The following MAP3K2 variants were observed in gnomAD, a reference collection of about 807,000 sequenced individuals.
The protein encoded by MAP3K2 is MAP/ERK kinase kinase 2.
A neutral mutation model predicts 80.3 loss-of-function variants in MAP3K2; 24 were observed. That is an observed-to-expected ratio of 0.30 (90% CI 0.22 to 0.42). MAP3K2 has a LOEUF of 0.42. Among genes scored for constraint, MAP3K2 ranks in the 10% least tolerant of loss-of-function variants. The probability of loss-of-function intolerance (pLI) is 1.00; values close to 1 mark genes in which losing one functional copy is unlikely to be tolerated. For synonymous variants in MAP3K2, 244 were observed against 253.7 expected (o/e 0.96, Z 0.36); for missense variants, 608 against 750.1 (o/e 0.81, Z 2.21).
intron 1 of MAP3K2, among the ~76,000 whole-genome samples, chr2:127,359,104 T>C (rs1175308684): frequency 2.0e-5 from 3 of 152,134 alleles, no homozygotes; most frequent in African/African-American, 4.8e-5. Context: ...CTGTATGATA[T>C]TGTAATAGCA....
chr2:127,327,124 A>G (rs1204897525), intron 7 of MAP3K2, among the ~76,000 whole-genome samples: 4 of 152,178 alleles, frequency 2.6e-5, no homozygotes, highest in Admixed American at 6.5e-5. Context: ...CAGTTTATTT[A>G]AGTAATCACA....
intron 15 of MAP3K2, among the ~76,000 whole-genome samples, chr2:127,312,611 T>C (rs953904240): frequency 6.6e-6 from 1 of 152,002 alleles, no homozygotes. Context: ...CAGTGAGCCA[T>C]GACAGCACCA....
At chr2:127,337,916 G>A (rs1407026365) in intron 3 of MAP3K2, 138 bp from the exon 4 acceptor site, 2 of 534,054 alleles carry the variant, frequency 3.7e-6, no homozygotes, top group Non-Finnish European at 6.5e-6. Context: ...GAATTTTGAA[G>A]TTCTGTACCA....
chr2:127,348,055 T>TG (rs899092545), intron 1 of MAP3K2, among the ~76,000 whole-genome samples: 3 of 152,090 alleles, frequency 2.0e-5, no homozygotes, highest in African/African-American at 7.3e-5. Context: ...CATCAACTGA[T>TG]GAAGAGAGAA....
At chr2:127,366,547 T>A (rs1407950211) in intron 1 of MAP3K2, among the ~76,000 whole-genome samples, 1 of 152,194 alleles carries the variant, frequency 6.6e-6, no homozygotes, top group Admixed American at 6.5e-5. Flanking sequence ...AAATGTGTTT[T>A]TCCCCCCATT....
At chr2:127,353,383 C>T (rs1291775196) in intron 1 of MAP3K2, among the ~76,000 whole-genome samples, 23 of 151,874 alleles carry the variant, frequency 1.5e-4, no homozygotes, top group African/African-American at 5.3e-4. Context: ...CATCTCCGCC[C>T]GGCCGCCCCA....
rs1685553133 is a variant in MAP3K2 at position 127,299,654 on chromosome 2, A to G, written c.*7925T>C. 1 of 152,196 alleles carries G rather than the reference A, an allele frequency of 6.6e-6. No homozygotes were observed. The highest frequency in any genetic ancestry group is 6.5e-5 in the Admixed American group (1 of 15,284). 9.4% of individuals were successfully genotyped at this position (152,196 alleles called of 1,614,324 possible). On this transcript the variant is annotated 3_prime_UTR_variant, in exon 17 of 17. Transcript: ENST00000682094. ...TAATTTGCATTTCACGGAATTCTCAAAGAGAATTTAATGCTTTTTCTTGCA... is the reference window on the plus strand; with the variant it reads ...TAATTTGCATTTCACGGAATTCTCAGAGAGAATTTAATGCTTTTTCTTGCA...
chr2:127,308,010 A>T (rs1437577957), intron 16 of MAP3K2, among the ~76,000 whole-genome samples: 1 of 152,232 alleles, frequency 6.6e-6, no homozygotes, highest in Non-Finnish European at 1.5e-5. Flanking sequence ...CTATCACTTA[A>T]TTCAAACGGT....
In MAP3K2 at chr2:127,303,244, A is replaced by T. The variant is rs2104797113; in HGVS notation, c.*4335T>A. The T allele has an allele frequency of 6.6e-6, 1 of 152,196 alleles. No individual in the cohort carries two copies. The highest frequency in any genetic ancestry group is 6.5e-5 in the Admixed American group (1 of 15,270). The allele number at this position is 152,196 out of a possible 1,614,324, so 9.4% of individuals were successfully genotyped here. A position where few individuals can be genotyped will look rare whatever the true frequency, so the allele number is the denominator to read the frequency against. ...TTAGTATAAATAACACTGTTGACAGAGTTCAATTTCTATCAAATGTTTTGG... is the reference window on the plus strand; with the variant it reads ...TTAGTATAAATAACACTGTTGACAGTGTTCAATTTCTATCAAATGTTTTGG... On this transcript the variant is annotated 3_prime_UTR_variant, in exon 17 of 17. Transcript: ENST00000682094.
intron 3 of MAP3K2, among the ~76,000 whole-genome samples, chr2:127,338,173 C>CA (rs1264832615): frequency 1.1e-4 from 16 of 151,718 alleles, no homozygotes; most frequent in Non-Finnish European, 1.8e-4. Context: ...ATTTGAAGAA[C>CA]AAAACAAAAC....
At chr2:127,363,094 G>A (rs1474590029) in intron 1 of MAP3K2, among the ~76,000 whole-genome samples, 2 of 152,102 alleles carry the variant, frequency 1.3e-5, no homozygotes, top group African/African-American at 2.4e-5. Flanking sequence ...TATACGGAAG[G>A]ATGTGTGTAG....
At chr2:127,362,036 T>C (rs1257395364) in intron 1 of MAP3K2, among the ~76,000 whole-genome samples, 1 of 152,124 alleles carries the variant, frequency 6.6e-6, no homozygotes, top group Non-Finnish European at 1.5e-5. Context: ...AAGCGGCAAA[T>C]TGATTTTTCT....
At chr2:127,317,555 G>GT in intron 14 of MAP3K2, 74 bp downstream of exon 14, 2 of 1,280,254 alleles carry the variant, frequency 1.6e-6, no homozygotes, top group Non-Finnish European at 2.1e-6. Flanking sequence ...TATAATCTAC[G>GT]TTTTTGTTGT....
chr2:127,326,401 T>TA (rs201597197), intron 8 of MAP3K2, among the ~76,000 whole-genome samples: 11 of 150,000 alleles, frequency 7.3e-5, no homozygotes, highest in Non-Finnish European at 1.6e-4. Flanking sequence ...TTCAAATGTT[T>TA]AAAAAAAAAA....
intron 7 of MAP3K2, among the ~76,000 whole-genome samples, chr2:127,327,612 C>T (rs1686170753): frequency 6.6e-6 from 1 of 151,970 alleles, no homozygotes; most frequent in South Asian, 2.1e-4. Flanking sequence ...ATTTGACAAC[C>T]CTTTTTCACA....
chr2:127,341,572 G>A (rs1310351916), intron 2 of MAP3K2, among the ~76,000 whole-genome samples: 2 of 120,898 alleles, frequency 1.7e-5, no homozygotes, highest in Non-Finnish European at 3.2e-5. Flanking sequence ...TTGCTCTGTC[G>A]CCCAGGCTGG....
intron 12 of MAP3K2, among the ~76,000 whole-genome samples, chr2:127,318,739 G>A (rs1375290553): frequency 1.3e-5 from 2 of 152,152 alleles, no homozygotes; most frequent in African/African-American, 4.8e-5. Flanking sequence ...AGAAATCTGG[G>A]TAATCTACAA....
In MAP3K2 at chr2:127,384,668, C is replaced by CT. The variant is rs759223038; in HGVS notation, c.-66+2783dup. Among the ~76,000 whole-genome samples, 510 of 144,768 alleles carry CT rather than the reference C, an allele frequency of 3.5e-3. 4 individuals are homozygous for CT. The highest frequency in any genetic ancestry group is 9.6e-3 in the African/African-American group (379 of 39,592). The allele number at this position is 144,768 out of a possible 152,430, so 95.0% of individuals were successfully genotyped here. On this transcript the variant is annotated intron_variant, in intron 1 of 16. Coordinates refer to ENST00000682094, the MANE Select transcript of MAP3K2 (RefSeq NM_001371910.2). ...CTTATGGATGAGGAAACAAAGTGGC[C>CT]TTTTTTTTTTTTTAAGACAGGGTCT...
In MAP3K2 at chr2:127,326,817, C is replaced by T. The variant is rs200095663; in HGVS notation, c.467G>A (p.Gly156Asp). ...AERKKRLSII[G>D]PTSRDRSSPP... ...AGAACTTCTATCTCTACTAGTAGGA[C>T]CTCAAGGAAGAAAAATAATGTAATT... is the stretch of plus-strand genomic sequence containing the variant. The change falls in exon 8 of 17, where the codon GGT becomes GAT. Residue 156 changes from glycine (G) to aspartate (D), a missense_variant and splice_region_variant. Gly to Asp is a moderately conservative substitution (Grantham distance 94). Coordinates refer to ENST00000682094, the MANE Select transcript of MAP3K2 (RefSeq NM_001371910.2). 7 of 1,540,974 alleles carry T rather than the reference C, an allele frequency of 4.5e-6. No individual in the cohort carries two copies. The highest frequency in any genetic ancestry group is 6.1e-6 in the Non-Finnish European group (7 of 1,144,300).
Sources: gnomAD v4.1 joint callset for allele counts (sites outside exome capture counted in the v4.1 genomes callset) on GRCh38, gnomAD v4.1.1 for gene constraint, MANE v1.5 for transcripts, NCBI Gene and HGNC (gene_info 2026-07-23, HGNC 2026-07-21) for gene names.